SLC36A3: variants seen among roughly 807,000 people sequenced by gnomAD.
SLC36A3 encodes solute carrier family 36 member 3.
A neutral mutation model predicts 44.3 loss-of-function variants in SLC36A3; 35 were observed. The observed-to-expected ratio is 0.79, with a 90% CI of 0.60 to 1.05. The LOEUF (loss-of-function observed/expected upper bound fraction) is 1.05. Ranked by LOEUF, SLC36A3 falls within the 50% of genes least tolerant of loss-of-function variation. The pLI is 0.00. For synonymous variants in SLC36A3, 211 were observed against 227.6 expected (o/e 0.93, Z 0.66); for missense variants, 540 against 578.7 (o/e 0.93, Z 0.69).
intron 5 of SLC36A3, 78 bp downstream of exon 5, chr5:151,288,308 C>T: frequency 8.5e-7 from 1 of 1,173,718 alleles, no homozygotes; most frequent in East Asian, 2.5e-5. Context: ...ATGAGCCTAA[C>T]ACAATACTTT....
intron 6 of SLC36A3, 92 bp downstream of exon 6, chr5:151,287,154 T>C: frequency 1.5e-6 from 2 of 1,316,920 alleles, no homozygotes; most frequent in Non-Finnish European, 2.1e-6. Context: ...ATCACCTTCC[T>C]CAGCTTCACC....
intron 8 of SLC36A3, 99 bp downstream of exon 8, chr5:151,283,945 T>A: frequency 7.1e-7 from 1 of 1,416,816 alleles, no homozygotes; most frequent in Non-Finnish European, 9.4e-7. Context: ...CAGTGATGGA[T>A]TACCAGCTTC....
chr5:151,302,909 C>A (rs1755211108), intron 1 of SLC36A3, among the ~76,000 whole-genome samples: 2 of 151,850 alleles, frequency 1.3e-5, no homozygotes, highest in African/African-American at 4.8e-5. Flanking sequence ...GAGAAGAAGG[C>A]AGCCAGAGAC....
chr5:151,280,131 G>A (rs1754252077), intron 9 of SLC36A3, among the ~76,000 whole-genome samples: 1 of 150,822 alleles, frequency 6.6e-6, no homozygotes, highest in South Asian at 2.1e-4. Context: ...AGGAAGAAAG[G>A]AAGGGAGGGA....
Position 151,276,853 on chromosome 5 carries a change from T to G in SLC36A3, c.*540A>C, listed in dbSNP as rs1324974850. 6.4e-6 allele frequency: 1 copy of G among 157,118 alleles called. No individual in the cohort carries two copies. The highest frequency in any genetic ancestry group is 2.4e-5 in the African/African-American group (1 of 41,492). 9.7% of individuals were successfully genotyped at this position (157,118 alleles called of 1,614,324 possible). A position where few individuals can be genotyped will look rare whatever the true frequency, so the allele number is the denominator to read the frequency against. ...TAATCAGTTAGTCCAACTGTTCACT[T>G]CATAGACTGAGAGATGGGGAGGAAC... is the stretch of plus-strand genomic sequence containing the variant. On this transcript the variant is annotated 3_prime_UTR_variant, in exon 10 of 10. Coordinates refer to ENST00000335230, the MANE Select transcript of SLC36A3 (RefSeq NM_181774.4).
chr5:151,295,502 G>A (rs948448440), intron 3 of SLC36A3, among the ~76,000 whole-genome samples: 7 of 152,176 alleles, frequency 4.6e-5, no homozygotes, highest in African/African-American at 1.7e-4. Context: ...AGGCTTTATG[G>A]AGAGTTTTGT....
rs537548841 is a variant in SLC36A3, at chr5:151,294,670, C to T, written c.309-1211G>A. Among the ~76,000 whole-genome samples the T allele has an allele frequency of 6.6e-5, 10 of 151,566 alleles. No homozygotes were observed. The South Asian group carries it at 1.9e-3, about 29-fold the overall frequency. ...TGAGACAGAGTTTTCACTCTAGTTGCCCAGGCTGGAGTGCAAGGGTGCGAT... is the reference window on the plus strand; with the variant it reads ...TGAGACAGAGTTTTCACTCTAGTTGTCCAGGCTGGAGTGCAAGGGTGCGAT... On this transcript the variant is annotated intron_variant, in intron 3 of 9. Coordinates refer to ENST00000335230, the MANE Select transcript of SLC36A3 (RefSeq NM_181774.4).
intron 8 of SLC36A3, among the ~76,000 whole-genome samples, chr5:151,282,364 C>T (rs966532617): frequency 9.2e-5 from 14 of 152,060 alleles, no homozygotes; most frequent in Non-Finnish European, 2.1e-4. Context: ...GACGGGGTTT[C>T]TCTATGTTGG....
intron 9 of SLC36A3, 100 bp downstream of exon 9, chr5:151,280,914 C>G: frequency 6.9e-7 from 1 of 1,457,600 alleles, no homozygotes; most frequent in Non-Finnish European, 9.5e-7. Flanking sequence ...CACCCTAGGT[C>G]ACAAAGAAGG....
chr5:151,300,450 C>T (rs1755132208), intron 1 of SLC36A3, among the ~76,000 whole-genome samples: 1 of 152,178 alleles, frequency 6.6e-6, no homozygotes, highest in Non-Finnish European at 1.5e-5. Flanking sequence ...CCCTTTACTT[C>T]CAAGAGATAA....
At chr5:151,281,615 C>T (rs972134804) in intron 8 of SLC36A3, among the ~76,000 whole-genome samples, 17 of 152,140 alleles carry the variant, frequency 1.1e-4, no homozygotes, top group Admixed American at 1.0e-3. Flanking sequence ...GTCAGGAGTT[C>T]GACACCAGCC....
chr5:151,279,385 T>C (rs77798855), intron 9 of SLC36A3, among the ~76,000 whole-genome samples: 3,063 of 152,378 alleles, frequency 0.02, 108 homozygotes, highest in African/African-American at 0.069. Context: ...ATCTTCTTCA[T>C]TATTCATCAT....
At chr5:151,300,878 GA>G (rs1755146415) in intron 1 of SLC36A3, among the ~76,000 whole-genome samples, 1 of 152,162 alleles carries the variant, frequency 6.6e-6, no homozygotes, top group South Asian at 2.1e-4. Flanking sequence ...TTTACATAAA[GA>G]GAACCGCTAT....
At chr5:151,290,800 C>T (rs1754730322) in intron 4 of SLC36A3, among the ~76,000 whole-genome samples, 1 of 152,016 alleles carries the variant, frequency 6.6e-6, no homozygotes, top group South Asian at 2.1e-4. Flanking sequence ...GAGGCTGAGG[C>T]AGGAGAATGG....
Position 151,281,057 on chromosome 5 carries a change from C to T in SLC36A3, c.1101G>A (p.Leu367=), listed in dbSNP as rs776753233. The T allele has an allele frequency of 1.2e-6, 2 of 1,614,184 alleles. No homozygotes were observed. The highest frequency in any genetic ancestry group is 1.7e-6 in the Non-Finnish European group (2 of 1,180,030). The change falls in exon 9 of 10, where the codon CTG becomes CTA. Residue 367 remains leucine, a synonymous_variant. Transcript: ENST00000335230. ...CTGAGCGGACAGACAGGTCTACAAA[C>T]AGTGCCCAGCTCTCTGACACTTGGG... ...AISQVSESWA[L]FVDLSVRSAL...
rs756626509 is a variant in SLC36A3 at position 151,303,266 on chromosome 5, G to A, written c.89C>T (p.Thr30Ile). 1.2e-6 allele frequency: 2 copies of A among 1,614,178 alleles called. No individual in the cohort carries two copies. The highest frequency in any genetic ancestry group is 1.7e-6 in the Non-Finnish European group (2 of 1,180,010). Residue 30 changes from threonine to isoleucine, a missense_variant, in exon 1 of 10, where the codon ACT becomes ATT. Transcript: ENST00000335230. The part of the protein sequence containing the change: ...QSPSESSSSI[T>I]SENVHPAGEA... ...TCCAGCAGGATGGACATTCTCTGAA[G>A]TAATGCTACTGCTGCTCTCTGAGGG... is the stretch of plus-strand genomic sequence containing the variant.
chr5:151,289,371 A>G (rs753952263), intron 4 of SLC36A3, among the ~76,000 whole-genome samples: 18 of 151,956 alleles, frequency 1.2e-4, no homozygotes, highest in Non-Finnish European at 2.5e-4. Context: ...GAAGGTTTGT[A>G]TATTGCATTT....
At chr5:151,292,224 T>C (rs1754784968) in intron 4 of SLC36A3, among the ~76,000 whole-genome samples, 1 of 152,184 alleles carries the variant, frequency 6.6e-6, no homozygotes, top group Admixed American at 6.5e-5. Flanking sequence ...GATGACAAAT[T>C]ATTACTTTAA....
Position 151,277,269 on chromosome 5 carries a change from G to T in SLC36A3, c.*124C>A. 1 of 1,294,830 alleles carries T rather than the reference G, an allele frequency of 7.7e-7. No homozygotes were observed. The highest frequency in any genetic ancestry group is 1.1e-6 in the Non-Finnish European group (1 of 939,616). The allele number at this position is 1,294,830 out of a possible 1,614,324, so 80.2% of individuals were successfully genotyped here. On this transcript the variant is annotated 3_prime_UTR_variant, in exon 10 of 10. Coordinates refer to ENST00000335230, the MANE Select transcript of SLC36A3 (RefSeq NM_181774.4). ...AACTTTTCTCATCTGCATTTCTCTTGGAAAGATAAAGACGCCACTAATTAA... is the reference window on the plus strand; with the variant it reads ...AACTTTTCTCATCTGCATTTCTCTTTGAAAGATAAAGACGCCACTAATTAA...
Sources: allele counts gnomAD v4.1 joint callset (sites outside exome capture counted in the v4.1 genomes callset), GRCh38; gene constraint gnomAD v4.1.1; transcripts MANE v1.5; gene names NCBI Gene and HGNC (gene_info 2026-07-23, HGNC 2026-07-21).